The following GBF1 variants were observed in gnomAD, a reference collection of about 807,000 sequenced individuals.
GBF1 encodes the protein Golgi-specific brefeldin A-resistance guanine nucleotide exchange factor 1.
In GBF1, 114 loss-of-function variants were observed where a neutral mutation model predicts 210.5. The observed-to-expected ratio is 0.54, with a 90% confidence interval of 0.47 to 0.63. GBF1 has a LOEUF of 0.63. GBF1 is among the 30% of genes least tolerant of loss of function. The probability of loss-of-function intolerance (pLI) is 0.00; values close to 1 mark genes in which losing one functional copy is unlikely to be tolerated. For synonymous variants in GBF1, 850 were observed against 889.2 expected (o/e 0.96, Z 0.78); for missense variants, 1,851 against 2,357.7 (o/e 0.79, Z 4.45).
intron 29 of GBF1, among the ~76,000 whole-genome samples, chr10:102,374,918 C>T (rs2060407843): frequency 1.3e-5 from 2 of 151,978 alleles, no homozygotes; most frequent in Admixed American, 1.3e-4. Context: ...TGCCTATAAT[C>T]CCAGCACTTC....
chr10:102,376,514 C>G, intron 31 of GBF1, 46 bp from the exon 32 acceptor site: 1 of 1,612,264 alleles, frequency 6.2e-7, no homozygotes, highest in Non-Finnish European at 8.5e-7. Flanking sequence ...AGGACATTCA[C>G]ACAGGGGCCA....
intron 1 of GBF1, among the ~76,000 whole-genome samples, chr10:102,251,021 A>G (rs902778257): frequency 3.5e-5 from 5 of 144,098 alleles, no homozygotes; most frequent in African/African-American, 1.3e-4. Context: ...AAAAAAAAAA[A>G]CCACTTAAAC....
At chr10:102,321,810 C>T (rs1589629144) in intron 3 of GBF1, among the ~76,000 whole-genome samples, 1 of 152,102 alleles carries the variant, frequency 6.6e-6, no homozygotes, top group East Asian at 1.9e-4. Context: ...GATCTGCCCA[C>T]CTTGGCCTCC....
At chr10:102,367,335 C>T in intron 20 of GBF1, 125 bp downstream of exon 20, 1 of 1,228,778 alleles carries the variant, frequency 8.1e-7, no homozygotes, top group Non-Finnish European at 1.2e-6. Flanking sequence ...GAAGGGCTGG[C>T]CAACCTAGAA....
At chr10:102,382,003 T>G in intron 39 of GBF1, 53 bp from the exon 40 acceptor site, 1 of 1,442,394 alleles carries the variant, frequency 6.9e-7, no homozygotes, top group South Asian at 1.4e-5. Context: ...AATGTGAGAG[T>G]TGTCTTGTAC....
At position 102,358,012 on chromosome 10, in the gene GBF1, A is replaced by G. The variant is rs994153883; in HGVS notation, c.640-27A>G. 6.0e-6 allele frequency: 9 copies of G among 1,508,574 alleles called. No homozygotes were observed. The African/African-American group carries it at 1.2e-4, about 21-fold the overall frequency. 93.4% of individuals were successfully genotyped at this position (1,508,574 alleles called of 1,614,324 possible). On this transcript the variant is annotated intron_variant, in intron 8 of 39. Transcript: ENST00000369983. ...GGGATAGAGTCTTAGTTTGAATACC[A>G]TTGCTAATGGGGTATGATATTTCCA...
chr10:102,277,634 C>T lies in GBF1; in HGVS notation c.163+17518C>T, dbSNP rs1012066940. Among the ~76,000 whole-genome samples, 4 of 152,192 alleles carry T rather than the reference C, an allele frequency of 2.6e-5. 1 individual carries two copies. The highest frequency in any genetic ancestry group is 2.6e-4 in the Admixed American group (4 of 15,278). On this transcript the variant is annotated intron_variant, in intron 3 of 39. Coordinates refer to ENST00000369983, the MANE Select transcript of GBF1 (RefSeq NM_001377137.1). ...CCACAGGTGATCCGCCCACCTCGGC[C>T]TCCCAAAGTGCTAGGATTACAGGCG...
chr10:102,337,813 C>T (rs1335556283), intron 3 of GBF1, among the ~76,000 whole-genome samples: 2 of 152,126 alleles, frequency 1.3e-5, no homozygotes. Context: ...ACCGAGATCA[C>T]ACCACTGCAC....
rs145502597 is a variant in GBF1, at chr10:102,344,084, G to A, written c.197G>A (p.Arg66Gln). The stretch of plus-strand genomic sequence containing the variant: ...GAAATTGAGCCCAATGTATTCCTTC[G>A]ACCTTTTCTGGAAGTGATTCGCTCT... ...LSEIEPNVFL[R>Q]PFLEVIRSED... Residue 66 changes from arginine (R) to glutamine (Q), a missense_variant, in exon 4 of 40, where the codon CGA becomes CAA. Arg to Gln is a conservative substitution (Grantham distance 43). Coordinates refer to ENST00000369983, the MANE Select transcript of GBF1 (RefSeq NM_001377137.1). The A allele has an allele frequency of 5.6e-6, 9 of 1,612,138 alleles. No homozygotes were observed. The highest frequency in any genetic ancestry group is 4.5e-5 in the East Asian group (2 of 44,862).
intron 3 of GBF1, among the ~76,000 whole-genome samples, chr10:102,275,223 AG>A (rs2133360869): frequency 6.6e-6 from 1 of 152,212 alleles, no homozygotes; most frequent in Admixed American, 6.5e-5. Context: ...TTTTCCAGCC[AG>A]GGTCTAATAG....
At position 102,363,317 on chromosome 10, in the gene GBF1, T is replaced by A. The variant is rs1272379889; in HGVS notation, c.1938T>A (p.His646Gln). Residue 646 changes from histidine to glutamine, a missense_variant, in exon 16 of 40, where the codon CAT becomes CAA. Coordinates refer to ENST00000369983, the MANE Select transcript of GBF1 (RefSeq NM_001377137.1). This position sits in a 1 kb window ranked among gnomAD's most constrained non-coding sequence, Gnocchi z 4.2. ...TGGCCTCAGACATCCCAGGCCTGCATCTGCCAGGTGGAGGGCGGCTGCCAC... is the reference window on the plus strand; with the variant it reads ...TGGCCTCAGACATCCCAGGCCTGCAACTGCCAGGTGGAGGGCGGCTGCCAC... ...VGMASDIPGLHLPGGGRLPPE... is the reference protein window; with the variant it reads ...VGMASDIPGLQLPGGGRLPPE... 6.2e-7 allele frequency: 1 copy of A among 1,613,748 alleles called. No homozygotes were observed. The highest frequency in any genetic ancestry group is 8.5e-7 in the Non-Finnish European group (1 of 1,179,754).
intron 1 of GBF1, among the ~76,000 whole-genome samples, chr10:102,253,714 A>G (rs1278703065): frequency 1.3e-5 from 2 of 152,118 alleles, no homozygotes; most frequent in South Asian, 2.1e-4. Context: ...GAGTTTTGCT[A>G]TGATGCCCAG....
upstream of GBF1, among the ~76,000 whole-genome samples, chr10:102,240,707 CT>C (rs898188153): frequency 1.7e-4 from 26 of 152,362 alleles, no homozygotes; most frequent in African/African-American, 4.6e-4. Context: ...AGTCAGGACC[CT>C]TCTGGGCCCA....
chr10:102,365,506 A>G lies in GBF1; in HGVS notation c.2216A>G (p.Gln739Arg), dbSNP rs1373756831. ...TIPMDNTEVA[Q>R]WLRENPRLDK... ...CCAATGGACAACACAGAGGTTGCTCAGTGGCTCCGAGAGAACCCTCGGCTG... is the reference window on the plus strand; with the variant it reads ...CCAATGGACAACACAGAGGTTGCTCGGTGGCTCCGAGAGAACCCTCGGCTG... The change falls in exon 18 of 40, where the codon CAG becomes CGG. Residue 739 changes from glutamine (Q) to arginine (R), a missense_variant. This residue lies in a region of GBF1 where 804 missense variants were observed against 958.6 expected (regional missense o/e 0.84). Coordinates refer to ENST00000369983, the MANE Select transcript of GBF1 (RefSeq NM_001377137.1). The G allele has an allele frequency of 8.7e-6, 14 of 1,614,042 alleles. No homozygotes were observed. The highest frequency in any genetic ancestry group is 1.2e-5 in the Non-Finnish European group (14 of 1,179,956).
intron 7 of GBF1, 25 bp downstream of exon 7, chr10:102,352,543 G>A (rs981150481): frequency 6.4e-7 from 1 of 1,559,428 alleles, no homozygotes; most frequent in South Asian, 1.1e-5. Context: ...GTTTGCTTCA[G>A]CCCGGCTGCC....
chr10:102,350,086 C>G (rs761220161), intron 4 of GBF1, among the ~76,000 whole-genome samples: 1 of 152,116 alleles, frequency 6.6e-6, no homozygotes, highest in Non-Finnish European at 1.5e-5. Context: ...CATGGTAGCT[C>G]ACACCTGTAA....
At chr10:102,330,299 G>GT (rs2057239086) in intron 3 of GBF1, among the ~76,000 whole-genome samples, 1 of 152,086 alleles carries the variant, frequency 6.6e-6, no homozygotes, top group South Asian at 2.1e-4. Context: ...GAGCCTCGGT[G>GT]TCCTTATCTG....
intron 6 of GBF1, 29 bp downstream of exon 6, chr10:102,351,980 C>CGGTG: frequency 8.5e-7 from 1 of 1,178,346 alleles, no homozygotes; most frequent in Non-Finnish European, 1.3e-6. Context: ...GCCCCTTCAC[C>CGGTG]ATTCCTGGGG....
At chr10:102,254,449 T>C (rs1433456801) in intron 1 of GBF1, among the ~76,000 whole-genome samples, 2 of 152,270 alleles carry the variant, frequency 1.3e-5, no homozygotes, top group Non-Finnish European at 2.9e-5. Flanking sequence ...TTAAATAACC[T>C]GAGATATATT....
Sources: gnomAD v4.1 joint callset for allele counts (sites outside exome capture counted in the v4.1 genomes callset) on GRCh38, gnomAD v4.1.1 for gene constraint, gnomAD v4.1.1 regional missense constraint, Gnocchi (gnomAD v3.1) non-coding constraint, MANE v1.5 for transcripts, NCBI Gene and HGNC (gene_info 2026-07-23, HGNC 2026-07-21) for gene names.